Variants in ACAA2 observed in about 807,000 individuals in gnomAD.
The protein encoded by ACAA2 is 3-ketoacyl-CoA thiolase, mitochondrial.
In ACAA2, 35 loss-of-function variants were observed where a neutral mutation model predicts 44.8. That is an observed-to-expected ratio of 0.78 (90% confidence interval 0.60 to 1.04). The LOEUF is 1.04. ACAA2 is among the 50% of genes least tolerant of loss of function. The pLI is 0.00. For synonymous variants in ACAA2, 142 were observed against 166.5 expected (o/e 0.85, Z 1.13); for missense variants, 468 against 482.6 (o/e 0.97, Z 0.28).
chr18:49,799,853 G>C (rs1358259477), intron 2 of ACAA2, among the ~76,000 whole-genome samples: 1 of 137,996 alleles, frequency 7.2e-6, no homozygotes, highest in South Asian at 2.6e-4. Flanking sequence ...TGTGGGGAGC[G>C]CCTCTGCCCG....
intron 2 of ACAA2, among the ~76,000 whole-genome samples, chr18:49,798,594 T>A (rs1054041587): frequency 1.3e-5 from 2 of 152,184 alleles, no homozygotes; most frequent in African/African-American, 4.8e-5. Context: ...TACGGGGTTT[T>A]AGGATGTTCA....
intron 2 of ACAA2, among the ~76,000 whole-genome samples, chr18:49,799,085 C>CA (rs1430245589): frequency 6.6e-6 from 1 of 152,130 alleles, no homozygotes; most frequent in South Asian, 2.1e-4. Context: ...GATTTCAACA[C>CA]AAAAAGTCAA....
chr18:49,783,597 G>C lies in ACAA2; in HGVS notation c.*250C>G, dbSNP rs1022414376. 1.1e-5 allele frequency: 4 copies of C among 370,726 alleles called. No homozygotes were observed. The highest frequency in any genetic ancestry group is 2.0e-5 in the Non-Finnish European group (4 of 199,980). The allele number at this position is 370,726 out of a possible 1,614,324, so 23.0% of individuals were successfully genotyped here. A position where few individuals can be genotyped will look rare whatever the true frequency, so the allele number is the denominator to read the frequency against. On this transcript the variant is annotated 3_prime_UTR_variant, in exon 10 of 10. Transcript: ENST00000285093. ...TGGCAAGAATACGATTTCTTTTAAT[G>C]TCTTCTATAGTTGAGTTTTAGCTCA... is the stretch of plus-strand genomic sequence containing the variant.
rs527882857 is a variant in ACAA2 at position 49,789,534 on chromosome 18, A to C, written c.883+1936T>G. Reference sequence around the variant, plus strand: ...AATATTCAGGCCCAGGAACAGAAGGAAGGAAAACAACGCTTTCTTGGTTCA... The same window carrying C: ...AATATTCAGGCCCAGGAACAGAAGGCAGGAAAACAACGCTTTCTTGGTTCA... On this transcript the variant is annotated intron_variant, in intron 7 of 9. Coordinates refer to ENST00000285093, the MANE Select transcript of ACAA2 (RefSeq NM_006111.3). Among the ~76,000 whole-genome samples, 10 of 152,318 alleles carry C rather than the reference A, an allele frequency of 6.6e-5. No homozygotes were observed. In the South Asian group the frequency reaches 1.9e-3, roughly 28 times the overall value.
At chr18:49,803,971 C>T (rs617581) in intron 1 of ACAA2, among the ~76,000 whole-genome samples, 89,445 of 148,840 alleles carry the variant, frequency 0.6, 26,883 homozygotes, top group Middle Eastern at 0.76. Context: ...AGCGCAGTGG[C>T]GCGATTTCGG....
intron 2 of ACAA2, 25 bp downstream of exon 2, chr18:49,802,662 G>A (rs200002295): frequency 2.6e-4 from 413 of 1,599,840 alleles, no homozygotes; most frequent in Non-Finnish European, 3.3e-4. Flanking sequence ...CAATAGGAGT[G>A]AACACCTTCC....
chr18:49,805,720 G>T (rs975487121), intron 1 of ACAA2, among the ~76,000 whole-genome samples: 3 of 151,730 alleles, frequency 2.0e-5, no homozygotes, highest in Admixed American at 2.0e-4. Context: ...AGGACTACAG[G>T]CATGTGCCAC....
At chr18:49,794,681 G>T (rs994645969) in intron 4 of ACAA2, among the ~76,000 whole-genome samples, 1 of 152,112 alleles carries the variant, frequency 6.6e-6, no homozygotes, top group African/African-American at 2.4e-5. Flanking sequence ...ACAGCTAACA[G>T]GACTAGACGT....
rs1315395302 is a variant in ACAA2, at chr18:49,783,759, G to A, written c.*88C>T. On this transcript the variant is annotated 3_prime_UTR_variant, in exon 10 of 10. Transcript: ENST00000285093. ...CTGTTTCAATGGCAGGGCATGGCCAGTTGTGGCAGCTGCTCTGAAGGTCAC... is the reference window on the plus strand; with the variant it reads ...CTGTTTCAATGGCAGGGCATGGCCAATTGTGGCAGCTGCTCTGAAGGTCAC... 2 of 1,089,874 alleles carry A rather than the reference G, an allele frequency of 1.8e-6. No homozygotes were observed. Among genetic ancestry groups the A allele is most frequent in the East Asian group, 2.5e-5 (1 of 40,018 alleles). The allele number at this position is 1,089,874 out of a possible 1,614,324, so 67.5% of individuals were successfully genotyped here.
At chr18:49,789,398 T>C (rs1291130597) in intron 7 of ACAA2, among the ~76,000 whole-genome samples, 1 of 152,204 alleles carries the variant, frequency 6.6e-6, no homozygotes, top group African/African-American at 2.4e-5. Context: ...GCCAAACTTC[T>C]AGATGAAGGG....
At chr18:49,791,904 A>T (rs1209040742) in intron 6 of ACAA2, among the ~76,000 whole-genome samples, 1 of 152,242 alleles carries the variant, frequency 6.6e-6, no homozygotes, top group Non-Finnish European at 1.5e-5. Flanking sequence ...AACCAAAATA[A>T]GCCAGATAGA....
intron 5 of ACAA2, among the ~76,000 whole-genome samples, chr18:49,793,235 C>T (rs1366412375): frequency 6.6e-6 from 1 of 152,188 alleles, no homozygotes; most frequent in Non-Finnish European, 1.5e-5. Flanking sequence ...CCTCCACTGA[C>T]TAGAATGTAC....
chr18:49,795,007 T>C (rs1436694715), intron 4 of ACAA2, among the ~76,000 whole-genome samples: 3 of 152,148 alleles, frequency 2.0e-5, no homozygotes, highest in Admixed American at 2.0e-4. Context: ...TGCTGCCTCA[T>C]CAACATTTAA....
At chr18:49,785,669 C>A in intron 8 of ACAA2, 1 of 312,692 alleles carries the variant, frequency 3.2e-6, no homozygotes, top group East Asian at 8.6e-5. Flanking sequence ...CAAATATTGG[C>A]TATACCATTT....
At chr18:49,806,575 T>C (rs755990356) in intron 1 of ACAA2, among the ~76,000 whole-genome samples, 1 of 152,202 alleles carries the variant, frequency 6.6e-6, no homozygotes, top group Non-Finnish European at 1.5e-5. Flanking sequence ...GTCTCCACAA[T>C]GTTCCATCTG....
At chr18:49,798,814 C>T (rs1392066573) in intron 2 of ACAA2, among the ~76,000 whole-genome samples, 2 of 151,856 alleles carry the variant, frequency 1.3e-5, no homozygotes, top group African/African-American at 4.8e-5. Context: ...AATTCTTGGC[C>T]AATGGATATT....
intron 1 of ACAA2, among the ~76,000 whole-genome samples, chr18:49,806,154 C>G (rs1226617821): frequency 6.6e-6 from 1 of 152,146 alleles, no homozygotes; most frequent in Admixed American, 6.5e-5. Flanking sequence ...TTTATAGCAA[C>G]TAACTTGAAG....
At chr18:49,806,640 G>T (rs12606732) in intron 1 of ACAA2, among the ~76,000 whole-genome samples, 10,298 of 152,216 alleles carry the variant, frequency 0.068, 856 homozygotes, top group East Asian at 0.29. Context: ...CAAAAAATAT[G>T]ACAATCAACA....
intron 4 of ACAA2, among the ~76,000 whole-genome samples, chr18:49,794,682 G>T (rs2023445240): frequency 1.3e-5 from 2 of 152,074 alleles, no homozygotes. Flanking sequence ...CAGCTAACAG[G>T]ACTAGACGTG....
Sources: gnomAD v4.1 joint callset for allele counts (sites outside exome capture counted in the v4.1 genomes callset) on GRCh38, gnomAD v4.1.1 for gene constraint, MANE v1.5 for transcripts, NCBI Gene and HGNC (gene_info 2026-07-23, HGNC 2026-07-21) for gene names.